Variants in MGAT4C observed in about 807,000 individuals in gnomAD.
MGAT4C encodes alpha-1,3-mannosyl-glycoprotein 4-beta-N-acetylglucosaminyltransferase C.
A neutral mutation model predicts 40.1 loss-of-function variants in MGAT4C; 19 were observed. The observed-to-expected ratio is 0.47, with a 90% confidence interval of 0.33 to 0.70. The LOEUF (loss-of-function observed/expected upper bound fraction) is 0.70, where lower values mean the gene tolerates loss of function less well. MGAT4C is among the 30% of genes least tolerant of loss of function. The pLI, the probability that MGAT4C is intolerant of heterozygous loss-of-function variation, is 0.02. For missense variants in MGAT4C, 491 were observed against 563.2 expected (o/e 0.87, Z 1.30); for synonymous variants, 181 against 187.1 (o/e 0.97, Z 0.27).
chr12:86,814,273 CGT>C (rs1491170701), intron 1 of MGAT4C, among the ~76,000 whole-genome samples: 8 of 108,204 alleles, frequency 7.4e-5, no homozygotes, highest in Admixed American at 3.9e-4. Context: ...TATACATATA[CGT>C]ATATATATAC....
chr12:86,568,623 A>C (rs946817113), intron 2 of MGAT4C, among the ~76,000 whole-genome samples: 3 of 151,488 alleles, frequency 2.0e-5, no homozygotes, highest in African/African-American at 4.8e-5. Flanking sequence ...TAGCCAAAGC[A>C]ATCCTGAACA....
chr12:86,367,798 TCAAAAAAA>T (rs1304155991), intron 3 of MGAT4C, among the ~76,000 whole-genome samples: 1 of 147,746 alleles, frequency 6.8e-6, no homozygotes, highest in Non-Finnish European at 1.5e-5. Context: ...AGACTCCGTC[TCAAAAAAA>T]CAAACAAACA....
chr12:86,268,664 CATATAT>C (rs35503864), intron 4 of MGAT4C, among the ~76,000 whole-genome samples: 2 of 143,806 alleles, frequency 1.4e-5, no homozygotes, highest in African/African-American at 2.5e-5. Context: ...ATATTAACTA[CATATAT>C]ATATATATAC....
intron 1 of MGAT4C, among the ~76,000 whole-genome samples, chr12:86,168,969 G>T (rs982335647): frequency 1.3e-5 from 2 of 152,028 alleles, no homozygotes; most frequent in Non-Finnish European, 2.9e-5. Context: ...GTATCGCTTT[G>T]TGTACTTTTT....
intron 4 of MGAT4C, among the ~76,000 whole-genome samples, chr12:86,267,977 G>C (rs958852512): frequency 2.6e-5 from 4 of 152,114 alleles, no homozygotes; most frequent in Non-Finnish European, 5.9e-5. Flanking sequence ...GGTGGCATTA[G>C]AATATATTGA....
In MGAT4C at chr12:86,576,635, A is replaced by T. The variant is rs575502439; in HGVS notation, c.-228-141370T>A. 2.6e-5 allele frequency among the ~76,000 whole-genome samples: 4 copies of T among 151,888 alleles called. No homozygotes were observed. The South Asian group carries it at 6.2e-4, about 24-fold the overall frequency. On this transcript the variant is annotated intron_variant, in intron 2 of 7. Coordinates refer to the MGAT4C transcript ENST00000548651. ...TGTCAAAAATGAGTTCACTGTAGGT[A>T]TCTGGATTTGTGTTTGAGTTCTCTG...
intron 3 of MGAT4C, among the ~76,000 whole-genome samples, chr12:86,336,994 T>C (rs1271506579): frequency 2.6e-5 from 4 of 152,190 alleles, no homozygotes; most frequent in Non-Finnish European, 5.9e-5. Context: ...GCAAGTTGTC[T>C]AACCTCTCTA....
At chr12:86,369,691 GTTA>G (rs1377301546) in intron 3 of MGAT4C, among the ~76,000 whole-genome samples, 1 of 151,860 alleles carries the variant, frequency 6.6e-6, no homozygotes, top group Non-Finnish European at 1.5e-5. Flanking sequence ...TATGGTTATT[GTTA>G]TTATCCTTTT....
rs567292289 is a variant in MGAT4C at position 86,038,992 on chromosome 12, G to A, written c.-7+10682C>T. ...GTTTTTTTTCTCCTTCGCTTATGAA[G>A]CTTAGTTTGGGAGGATATAAAATTC... On this transcript the variant is annotated intron_variant, in intron 2 of 4. Coordinates refer to ENST00000611864, the MANE Select transcript of MGAT4C (RefSeq NM_001351288.2). Among the ~76,000 whole-genome samples, 243 of 149,772 alleles carry A rather than the reference G, an allele frequency of 1.6e-3. 19 individuals are homozygous for A. Among genetic ancestry groups the A allele is most frequent in the Admixed American group, 5.3e-3 (80 of 14,972 alleles).
chr12:86,365,832 G>T (rs1955580974), intron 3 of MGAT4C, among the ~76,000 whole-genome samples: 1 of 151,942 alleles, frequency 6.6e-6, no homozygotes. Flanking sequence ...GATACCTTGG[G>T]CTTTGCTGTT....
intron 2 of MGAT4C, among the ~76,000 whole-genome samples, chr12:86,487,756 T>G (rs1304390719): frequency 2.0e-5 from 3 of 151,834 alleles, no homozygotes; most frequent in Non-Finnish European, 4.4e-5. Context: ...CTAAATACTA[T>G]TCTTTCCTGA....
intron 1 of MGAT4C, among the ~76,000 whole-genome samples, chr12:86,741,719 A>G (rs911072400): frequency 2.6e-5 from 4 of 151,406 alleles, no homozygotes; most frequent in Non-Finnish European, 5.9e-5. Flanking sequence ...CTTGTGCACA[A>G]TGATTCATCT....
At chr12:86,423,249 CAG>C (rs1245760794) in intron 3 of MGAT4C, among the ~76,000 whole-genome samples, 1 of 151,846 alleles carries the variant, frequency 6.6e-6, no homozygotes, top group Non-Finnish European at 1.5e-5. Flanking sequence ...ATCATACAGA[CAG>C]GGTGCATTAA....
chr12:86,518,417 T>A (rs1958735416), intron 2 of MGAT4C, among the ~76,000 whole-genome samples: 1 of 152,158 alleles, frequency 6.6e-6, no homozygotes, highest in African/African-American at 2.4e-5. Context: ...GCTATATAAA[T>A]CATCACTAAT....
chr12:86,290,890 G>C (rs969318927), intron 4 of MGAT4C, among the ~76,000 whole-genome samples: 6 of 152,246 alleles, frequency 3.9e-5, no homozygotes, highest in Middle Eastern at 3.4e-3. Flanking sequence ...TTACAAGAAA[G>C]AGATGAGCTC....
intron 4 of MGAT4C, among the ~76,000 whole-genome samples, chr12:86,325,281 C>T (rs1023455836): frequency 1.3e-5 from 2 of 152,024 alleles, no homozygotes; most frequent in African/African-American, 4.8e-5. Flanking sequence ...GATATTTTTC[C>T]AGATTTTTCC....
chr12:86,143,804 C>T (rs1423029253), intron 1 of MGAT4C, among the ~76,000 whole-genome samples: 1 of 152,090 alleles, frequency 6.6e-6, no homozygotes, highest in African/African-American at 2.4e-5. Flanking sequence ...GAATACTAAA[C>T]ATACTATTTT....
intron 3 of MGAT4C, among the ~76,000 whole-genome samples, chr12:86,380,464 A>T (rs1955907605): frequency 6.6e-6 from 1 of 152,142 alleles, no homozygotes; most frequent in African/African-American, 2.4e-5. Context: ...ATAAAAAAAA[A>T]ATTAATGCTG....
At chr12:85,988,051 G>A (rs892323970) in intron 3 of MGAT4C, among the ~76,000 whole-genome samples, 7 of 152,040 alleles carry the variant, frequency 4.6e-5, no homozygotes, top group Non-Finnish European at 8.8e-5. Flanking sequence ...ATAACTAATA[G>A]GTTTTAAAAA....
Sources: gnomAD v4.1 joint callset for allele counts (sites outside exome capture counted in the v4.1 genomes callset) on GRCh38, gnomAD v4.1.1 for gene constraint, MANE v1.5 for transcripts, NCBI Gene and HGNC (gene_info 2026-07-23, HGNC 2026-07-21) for gene names.